Variants in ZCCHC24 observed in about 807,000 individuals in gnomAD.
ZCCHC24 encodes the protein zinc finger CCHC-type containing 24.
In ZCCHC24, 10 loss-of-function variants were observed where a neutral mutation model predicts 26.2. The observed-to-expected ratio is 0.38, with a 90% confidence interval of 0.24 to 0.65. The LOEUF is 0.65. ZCCHC24 is among the 30% of genes least tolerant of loss of function. The pLI is 0.54. For synonymous variants in ZCCHC24, 144 were observed against 147.1 expected (o/e 0.98, Z 0.15); for missense variants, 243 against 329.1 (o/e 0.74, Z 2.03).
chr10:79,398,747 T>G (rs1373600838), intron 2 of ZCCHC24, among the ~76,000 whole-genome samples: 2 of 152,140 alleles, frequency 1.3e-5, no homozygotes, highest in Non-Finnish European at 2.9e-5. Context: ...GAACTGGCAT[T>G]TGTGTGGCAC....
intron 1 of ZCCHC24, among the ~76,000 whole-genome samples, chr10:79,436,352 T>C (rs1044628734): frequency 9.2e-5 from 14 of 152,126 alleles, no homozygotes; most frequent in Non-Finnish European, 2.9e-5. Context: ...CCTTTCCCCT[T>C]ACTCAGGCCT....
intron 2 of ZCCHC24, among the ~76,000 whole-genome samples, chr10:79,432,080 G>GC (rs898874160): frequency 2.0e-5 from 3 of 152,226 alleles, no homozygotes; most frequent in African/African-American, 7.2e-5. Context: ...GTGGGGCAGG[G>GC]CCCCTCCCCT....
chr10:79,413,575 C>T (rs1856820648), intron 2 of ZCCHC24, among the ~76,000 whole-genome samples: 1 of 152,174 alleles, frequency 6.6e-6, no homozygotes, highest in Admixed American at 6.5e-5. Context: ...ACCTGAAAGT[C>T]AGCTATAGAA....
chr10:79,394,723 G>A, intron 2 of ZCCHC24: 1 of 837,968 alleles, frequency 1.2e-6, no homozygotes, highest in Non-Finnish European at 1.4e-6. Flanking sequence ...AATGGTGGCT[G>A]GAAATTACTT....
At chr10:79,445,052 G>T in intron 1 of ZCCHC24, 143 bp downstream of exon 1, 4 of 913,274 alleles carry the variant, frequency 4.4e-6, no homozygotes, top group Non-Finnish European at 5.8e-6. Context: ...TGGCAGAGTT[G>T]AACGAAGCCA....
intron 3 of ZCCHC24, among the ~76,000 whole-genome samples, chr10:79,389,454 C>T (rs1442789423): frequency 6.6e-6 from 1 of 151,986 alleles, no homozygotes; most frequent in Non-Finnish European, 1.5e-5. Context: ...TGGGAAGGAT[C>T]TTTCTCCTCC....
At chr10:79,413,204 C>A (rs1856814557) in intron 2 of ZCCHC24, among the ~76,000 whole-genome samples, 1 of 152,236 alleles carries the variant, frequency 6.6e-6, no homozygotes, top group Non-Finnish European at 1.5e-5. Context: ...CCCCTGGGGT[C>A]TCATTTAATC....
intron 1 of ZCCHC24, among the ~76,000 whole-genome samples, chr10:79,439,708 C>A (rs1053506200): frequency 4.6e-5 from 7 of 150,542 alleles, no homozygotes; most frequent in South Asian, 4.2e-4. Flanking sequence ...AGGAGAATCT[C>A]TTGAACCTGG....
intron 1 of ZCCHC24, among the ~76,000 whole-genome samples, chr10:79,439,405 C>A (rs1018458061): frequency 2.0e-5 from 3 of 152,088 alleles, no homozygotes; most frequent in Admixed American, 1.3e-4. Flanking sequence ...TACTTACATG[C>A]TCACAAGTCA....
chr10:79,442,169 T>A (rs1331808074), intron 1 of ZCCHC24, among the ~76,000 whole-genome samples: 1 of 152,200 alleles, frequency 6.6e-6, no homozygotes, highest in African/African-American at 2.4e-5. Flanking sequence ...ATCAGGTTTT[T>A]GAAACTGGGT....
chr10:79,438,622 C>T (rs538450756), intron 1 of ZCCHC24, among the ~76,000 whole-genome samples: 1 of 152,352 alleles, frequency 6.6e-6, no homozygotes, highest in South Asian at 2.1e-4. Flanking sequence ...CCTGGAGGCC[C>T]ATTCACCCAG....
At chr10:79,389,813 G>A (rs908491004) in intron 3 of ZCCHC24, among the ~76,000 whole-genome samples, 5 of 151,936 alleles carry the variant, frequency 3.3e-5, no homozygotes, top group Non-Finnish European at 7.4e-5. Context: ...ACGGGGTTTC[G>A]CTGTGTTGGC....
intron 3 of ZCCHC24, among the ~76,000 whole-genome samples, chr10:79,389,279 A>G (rs558991670): frequency 2.0e-5 from 3 of 152,152 alleles, no homozygotes; most frequent in Admixed American, 2.0e-4. Flanking sequence ...TGAGGGCAGA[A>G]CCTCCATGGA....
chr10:79,445,341 C>T lies in ZCCHC24; in HGVS notation c.100G>A (p.Ala34Thr). The T allele has an allele frequency of 6.5e-7, 1 of 1,534,478 alleles. No homozygotes were observed. Among genetic ancestry groups the T allele is most frequent in the Non-Finnish European group, 8.7e-7 (1 of 1,143,488 alleles). Reference sequence around the variant, plus strand: ...GGCCGGAAGGCATCGAAGGCGCTAGCCTGGTGCGTGTCCTGCAGCGACAGG... The same window carrying T: ...GGCCGGAAGGCATCGAAGGCGCTAGTCTGGTGCGTGTCCTGCAGCGACAGG... The part of the protein sequence containing the change: ...VYLSLQDTHQ[A>T]SAFDAFRPEP... The change falls in exon 1 of 4, where the codon GCT becomes ACT. Residue 34 changes from alanine (A) to threonine (T), a missense_variant. Around this residue, in one of 2 missense-constraint regions of ZCCHC24, gnomAD observed 147 missense variants for 150.8 expected, o/e 0.97. Coordinates refer to ENST00000372336, the MANE Select transcript of ZCCHC24 (RefSeq NM_153367.4).
intron 2 of ZCCHC24, among the ~76,000 whole-genome samples, chr10:79,398,391 G>A (rs960324574): frequency 6.6e-6 from 1 of 152,186 alleles, no homozygotes; most frequent in African/African-American, 2.4e-5. Flanking sequence ...GCGTGTAAAG[G>A]TCTCAGCTCA....
chr10:79,393,885 G>T (rs1030195855), intron 3 of ZCCHC24, among the ~76,000 whole-genome samples: 1 of 152,104 alleles, frequency 6.6e-6, no homozygotes, highest in African/African-American at 2.4e-5. Flanking sequence ...GCTGCCTGAG[G>T]TAAGACCTTC....
chr10:79,439,090 G>A lies in ZCCHC24; in HGVS notation c.246+6105C>T, dbSNP rs191578013. Among the ~76,000 whole-genome samples the A allele has an allele frequency of 5.9e-5, 9 of 152,374 alleles. No individual in the cohort carries two copies. In the East Asian group the frequency reaches 1.7e-3, roughly 29 times the overall value. On this transcript the variant is annotated intron_variant, in intron 1 of 3. Transcript: ENST00000372336. Reference sequence around the variant, plus strand: ...AGGGATCCTTGATCTGTGATCCACTGTGGGCATGAAGGTGTGTGTGATCCC... The same window carrying A: ...AGGGATCCTTGATCTGTGATCCACTATGGGCATGAAGGTGTGTGTGATCCC...
chr10:79,402,879 C>T (rs1265362381), intron 2 of ZCCHC24, among the ~76,000 whole-genome samples: 9 of 152,246 alleles, frequency 5.9e-5, no homozygotes, highest in African/African-American at 2.2e-4. Context: ...CCTAGGAACA[C>T]AGCCGCACCT....
chr10:79,405,778 T>C (rs966801916), intron 2 of ZCCHC24, among the ~76,000 whole-genome samples: 1 of 152,028 alleles, frequency 6.6e-6, no homozygotes, highest in Non-Finnish European at 1.5e-5. Flanking sequence ...CTCAAAATAG[T>C]GATGGGGGAA....
Sources: gnomAD v4.1 joint callset for allele counts (sites outside exome capture counted in the v4.1 genomes callset) on GRCh38, gnomAD v4.1.1 for gene constraint, gnomAD v4.1.1 regional missense constraint, MANE v1.5 for transcripts, NCBI Gene and HGNC (gene_info 2026-07-23, HGNC 2026-07-21) for gene names.